RBFOX3: variants seen among roughly 807,000 people sequenced by gnomAD.
RBFOX3 encodes the protein RNA binding protein fox-1 homolog 3.
A neutral mutation model predicts 48.7 loss-of-function variants in RBFOX3; 17 were observed. The ratio of observed to expected loss-of-function variants is 0.35; its 90% CI spans 0.24 to 0.52. The LOEUF (loss-of-function observed/expected upper bound fraction) is 0.52. Ranked by LOEUF, RBFOX3 falls within the 20% of genes least tolerant of loss-of-function variation. The probability of loss-of-function intolerance (pLI) is 0.94; values close to 1 mark genes in which losing one functional copy is unlikely to be tolerated. For missense variants in RBFOX3, 382 were observed against 497.5 expected (o/e 0.77, Z 2.21); for synonymous variants, 212 against 209.5 (o/e 1.01, Z -0.10).
intron 2 of RBFOX3, among the ~76,000 whole-genome samples, chr17:79,341,671 T>C (rs1281971762): frequency 1.3e-5 from 2 of 152,182 alleles, no homozygotes; most frequent in Non-Finnish European, 2.9e-5. Context: ...AAGCAGTCAC[T>C]GCCCCTTGGT....
At chr17:79,368,990 C>T (rs985082640) in intron 2 of RBFOX3, among the ~76,000 whole-genome samples, 6 of 152,148 alleles carry the variant, frequency 3.9e-5, no homozygotes, top group Admixed American at 2.6e-4. Flanking sequence ...CCCAGTCACT[C>T]GCTCACCGCC....
At chr17:79,377,020 T>C (rs9898688) in intron 2 of RBFOX3, among the ~76,000 whole-genome samples, 13,182 of 152,054 alleles carry the variant, frequency 0.087, 1,890 homozygotes, top group African/African-American at 0.3. Context: ...CAGGTTGAGT[T>C]TGGGGGTGTT....
intron 4 of RBFOX3, among the ~76,000 whole-genome samples, chr17:79,185,195 G>C (rs1161881972): frequency 6.6e-6 from 1 of 152,250 alleles, no homozygotes; most frequent in Non-Finnish European, 1.5e-5. Flanking sequence ...AGGCGAGCTG[G>C]CCATCTAGCC....
At chr17:79,182,002 A>ACAC (rs2052090669) in intron 4 of RBFOX3, among the ~76,000 whole-genome samples, 4 of 113,304 alleles carry the variant, frequency 3.5e-5, no homozygotes, top group Admixed American at 2.5e-4. Flanking sequence ...CACACACACA[A>ACAC]ACACACAATC....
intron 2 of RBFOX3, among the ~76,000 whole-genome samples, chr17:79,342,410 C>A (rs556206244): frequency 6.6e-6 from 1 of 152,156 alleles, no homozygotes; most frequent in Non-Finnish European, 1.5e-5. Context: ...CTCTCTCTCT[C>A]GTCTGATTAA....
chr17:79,145,867 G>C (rs2042931827), intron 4 of RBFOX3, among the ~76,000 whole-genome samples: 1 of 152,282 alleles, frequency 6.6e-6, no homozygotes, highest in Middle Eastern at 3.4e-3. Flanking sequence ...CAACCTTTTT[G>C]GTACCAGGGA....
At chr17:79,405,188 C>G (rs1161360368) in intron 2 of RBFOX3, among the ~76,000 whole-genome samples, 1 of 152,204 alleles carries the variant, frequency 6.6e-6, no homozygotes, top group Non-Finnish European at 1.5e-5. Context: ...ACGGTGACGG[C>G]TGCACCCCAC....
intron 2 of RBFOX3, among the ~76,000 whole-genome samples, chr17:79,349,519 C>T (rs931319076): frequency 1.3e-5 from 2 of 152,096 alleles, no homozygotes; most frequent in Non-Finnish European, 2.9e-5. Flanking sequence ...CTCAGAGAAC[C>T]CCCAGACCTC....
At chr17:79,226,845 G>A (rs1308665275) in intron 4 of RBFOX3, among the ~76,000 whole-genome samples, 1 of 152,134 alleles carries the variant, frequency 6.6e-6, no homozygotes, top group Non-Finnish European at 1.5e-5. Context: ...TAGGAAAGAG[G>A]GAGCGTGAGG....
intron 8 of RBFOX3, 104 bp from the exon 9 acceptor site, chr17:79,101,748 C>G (rs781463540): frequency 1.3e-5 from 13 of 1,002,584 alleles, no homozygotes; most frequent in African/African-American, 4.8e-5. Flanking sequence ...CGGCACCCCC[C>G]GCCCCAGCCT....
At chr17:79,527,554 T>A (rs1411233505) in intron 1 of RBFOX3, among the ~76,000 whole-genome samples, 1 of 152,224 alleles carries the variant, frequency 6.6e-6, no homozygotes, top group Non-Finnish European at 1.5e-5. Context: ...GGCTGATCAG[T>A]GTGCCTCTGT....
chr17:79,264,583 C>T (rs900771051), intron 3 of RBFOX3, among the ~76,000 whole-genome samples: 1 of 152,166 alleles, frequency 6.6e-6, no homozygotes, highest in Admixed American at 6.5e-5. Flanking sequence ...TCACCCAGTT[C>T]GTGGTCATCT....
Position 79,318,854 on chromosome 17 carries a change from C to CAAAAAAAAAAA in RBFOX3, c.-174-11041_-174-11031dup, listed in dbSNP as rs71161660. Among the ~76,000 whole-genome samples, 9 of 32,522 alleles carry CAAAAAAAAAAA rather than the reference C, an allele frequency of 2.8e-4. 1 individual carries two copies. The highest frequency in any genetic ancestry group is 4.0e-4 in the Non-Finnish European group (8 of 19,778). 21.3% of individuals were successfully genotyped at this position (32,522 alleles called of 152,430 possible). A position where few individuals can be genotyped will look rare whatever the true frequency, so the allele number is the denominator to read the frequency against. ...TGGGTGACAGAGCGAGACTCCATCT[C>CAAAAAAAAAAA]AAAAAAAAAAAAAAAAAAAAAAAAA... On this transcript the variant is annotated intron_variant, in intron 2 of 14. Coordinates refer to ENST00000693108, the MANE Select transcript of RBFOX3 (RefSeq NM_001350451.2).
Position 79,199,729 on chromosome 17 carries a change from G to T in RBFOX3, c.-34+36037C>A, listed in dbSNP as rs1422304864. On this transcript the variant is annotated intron_variant, in intron 4 of 14. Coordinates refer to ENST00000693108, the MANE Select transcript of RBFOX3 (RefSeq NM_001350451.2). This position sits in a 1 kb window ranked among gnomAD's most constrained non-coding sequence, Gnocchi z 5.1. ...GGCTCCTGGTGACCATATTGACACA[G>T]ATATGACATTGCTGCTGCTGTAGGA... is the stretch of plus-strand genomic sequence containing the variant. Among the ~76,000 whole-genome samples the T allele has an allele frequency of 6.6e-6, 1 of 152,222 alleles. No homozygotes were observed. The highest frequency in any genetic ancestry group is 2.4e-5 in the African/African-American group (1 of 41,448).
chr17:79,494,482 C>T (rs1017378697), intron 1 of RBFOX3, among the ~76,000 whole-genome samples: 136 of 152,362 alleles, frequency 8.9e-4, no homozygotes, highest in African/African-American at 3.2e-3. Context: ...GCACTTGGGC[C>T]TGGGCCAGAG....
rs34151285 is a variant in RBFOX3 at position 79,110,130 on chromosome 17, CAA to C, written c.223-3344_223-3343del. Among the ~76,000 whole-genome samples, 513 of 132,256 alleles carry C rather than the reference CAA, an allele frequency of 3.9e-3. 1 individual carries two copies. Among genetic ancestry groups the C allele is most frequent in the African/African-American group, 5.0e-3 (180 of 35,728 alleles). 86.8% of individuals were successfully genotyped at this position (132,256 alleles called of 152,430 possible). Reference sequence around the variant, plus strand: ...TCTCAGGGGCTTTCTTTCCCCCACTCAAAAAAAAAAAAAAAAGCCGTCTTTGC... The same window carrying C: ...TCTCAGGGGCTTTCTTTCCCCCACTCAAAAAAAAAAAAAAGCCGTCTTTGC... On this transcript the variant is annotated intron_variant, in intron 5 of 14. Coordinates refer to ENST00000693108, the MANE Select transcript of RBFOX3 (RefSeq NM_001350451.2).
the RBFOX3 span, among the ~76,000 whole-genome samples, chr17:79,661,480 A>G: frequency 7.2e-5 from 11 of 152,266 alleles, 1 homozygote; most frequent in Admixed American, 1.3e-4. Flanking sequence ...TGATTTCACA[A>G]TTTATTTGGC....
At chr17:79,620,529 GCGCACATGCACA>G in the RBFOX3 span, among the ~76,000 whole-genome samples, 6 of 133,570 alleles carry the variant, frequency 4.5e-5, no homozygotes, top group African/African-American at 1.7e-4. Context: ...ACATGCATAC[GCGCACATGCACA>G]CACGCATGCA....
intron 2 of RBFOX3, among the ~76,000 whole-genome samples, chr17:79,318,962 A>C (rs1180864776): frequency 6.6e-6 from 1 of 151,780 alleles, no homozygotes; most frequent in Non-Finnish European, 1.5e-5. Context: ...AACATGGCAC[A>C]TGTATACATA....
Sources: gnomAD v4.1 joint callset for allele counts (sites outside exome capture counted in the v4.1 genomes callset) on GRCh38, gnomAD v4.1.1 for gene constraint, Gnocchi (gnomAD v3.1) non-coding constraint, MANE v1.5 for transcripts, NCBI Gene and HGNC (gene_info 2026-07-23, HGNC 2026-07-21) for gene names.